TBC1D13: variants seen among roughly 807,000 people sequenced by gnomAD.
TBC1D13 encodes epididymis secretory sperm binding protein.
A neutral mutation model predicts 53.6 loss-of-function variants in TBC1D13; 40 were observed. The observed-to-expected ratio is 0.75, with a 90% CI of 0.58 to 0.97. TBC1D13 has a LOEUF of 0.97. Ranked by LOEUF, TBC1D13 falls within the 50% of genes least tolerant of loss-of-function variation. TBC1D13 has a pLI of 0.00. For missense variants in TBC1D13, 377 were observed against 499.4 expected (o/e 0.75, Z 2.34); for synonymous variants, 182 against 197.7 (o/e 0.92, Z 0.67).
chr9:128,795,713 G>T (rs959764583), intron 6 of TBC1D13, among the ~76,000 whole-genome samples: 2 of 152,022 alleles, frequency 1.3e-5, no homozygotes, highest in Non-Finnish European at 2.9e-5. Flanking sequence ...GCCTGCCTTG[G>T]CCTCCCAAAG....
At position 128,808,364 on chromosome 9, in the gene TBC1D13, G is replaced by T. The variant is rs1254158435; in HGVS notation, c.*485G>T. ...TCTGTCTCACCCACAGATGTCTGTA[G>T]TCGGTCGGTGTGAATGTGGGCCCAA... On this transcript the variant is annotated 3_prime_UTR_variant, in exon 12 of 12. Transcript: ENST00000372648. The T allele has an allele frequency of 4.7e-6, 1 of 214,216 alleles. No individual in the cohort carries two copies. Among genetic ancestry groups the T allele is most frequent in the Non-Finnish European group, 9.6e-6 (1 of 104,288 alleles). The allele number at this position is 214,216 out of a possible 1,614,324, so 13.3% of individuals were successfully genotyped here.
At position 128,804,016 on chromosome 9, in the gene TBC1D13, A is replaced by G; in HGVS notation, c.815A>G (p.Asn272Ser). ...AACCTCATGGCCGAGATCCGGGACA[A>G]CTTTATCAAGAGCCTGGATGACTCG... ...FTNLMAEIRDNFIKSLDDSQC... is the reference protein window; with the variant it reads ...FTNLMAEIRDSFIKSLDDSQC... Residue 272 changes from asparagine (N) to serine (S), a missense_variant, in exon 9 of 12, where the codon AAC (asparagine) becomes AGC (serine). Transcript: ENST00000372648. 6.2e-7 allele frequency: 1 copy of G among 1,614,056 alleles called. No individual in the cohort carries two copies. Among genetic ancestry groups the G allele is most frequent in the South Asian group, 1.1e-5 (1 of 91,068 alleles).
rs1564421444 is a variant in TBC1D13, at chr9:128,787,296, G to T, written c.-58G>T. 8.0e-6 allele frequency: 10 copies of T among 1,253,902 alleles called. No individual in the cohort carries two copies. The highest frequency in any genetic ancestry group is 7.0e-6 in the Non-Finnish European group (7 of 993,414). 77.7% of individuals were successfully genotyped at this position (1,253,902 alleles called of 1,614,324 possible). A position where few individuals can be genotyped will look rare whatever the true frequency, so the allele number is the denominator to read the frequency against. ...CTGGGGGGCGGCGGCGGCGGCGGCA[G>T]CGCAGGCGGCAGAGGCGCAGGCGGC... On this transcript the variant is annotated 5_prime_UTR_variant, in exon 1 of 12. Transcript: ENST00000372648.
Position 128,794,876 on chromosome 9 carries a change from C to T in TBC1D13, c.384-2179C>T, listed in dbSNP as rs145840538. On this transcript the variant is annotated intron_variant, in intron 6 of 11. Coordinates refer to ENST00000372648, the MANE Select transcript of TBC1D13 (RefSeq NM_018201.5). ...TGAAAAATGTGCGTGTACTGCAATA[C>T]ATATATTTTAAAAACTTGATCACAT... Among the ~76,000 whole-genome samples the T allele has an allele frequency of 1.0e-3, 157 of 151,746 alleles. 1 individual carries two copies. The East Asian group carries it at 0.029, about 28-fold the overall frequency.
chr9:128,789,812 T>TATATATATATATGTATGTATGTATAA (rs11269563), intron 2 of TBC1D13: 25 of 132,378 alleles, frequency 1.9e-4, no homozygotes, highest in African/African-American at 6.2e-4. Context: ...TATATATATA[T>TATATATATATATGTATGTATGTATAA]AATAATTCCA....
At chr9:128,801,009 AAAC>A (rs1203259138) in intron 7 of TBC1D13, among the ~76,000 whole-genome samples, 2 of 152,066 alleles carry the variant, frequency 1.3e-5, no homozygotes, top group East Asian at 3.9e-4. Context: ...TAAAAATACA[AAAC>A]AACAACAAAA....
Position 128,803,334 on chromosome 9 carries a change from G to A in TBC1D13, c.628G>A (p.Val210Met). The A allele has an allele frequency of 6.2e-7, 1 of 1,614,230 alleles. No individual in the cohort carries two copies. Among genetic ancestry groups the A allele is most frequent in the South Asian group, 1.1e-5 (1 of 91,088 alleles). ...CAATGGCTGTGAGGCCCACTGGGAG[G>A]TGGTGGAGCGGATCCTGTTCATCTA... ...LPNGCEAHWEVVERILFIYAK... is the reference protein window; with the variant it reads ...LPNGCEAHWEMVERILFIYAK... Residue 210 changes from valine to methionine, a missense_variant, in exon 8 of 12, where the codon GTG becomes ATG. Physicochemically the swap from Val to Met is conservative, Grantham distance 21. Transcript: ENST00000372648.
At chr9:128,801,260 C>G (rs569993407) in intron 7 of TBC1D13, among the ~76,000 whole-genome samples, 9 of 152,268 alleles carry the variant, frequency 5.9e-5, no homozygotes, top group Non-Finnish European at 1.3e-4. Flanking sequence ...ATACCCAACC[C>G]ATGAACAATT....
At chr9:128,790,343 G>T (rs551265338) in intron 2 of TBC1D13, among the ~76,000 whole-genome samples, 1 of 151,998 alleles carries the variant, frequency 6.6e-6, no homozygotes, top group African/African-American at 2.4e-5. Flanking sequence ...GGAGGCCGAA[G>T]TGGGGGGATC....
Position 128,809,596 on chromosome 9 carries a change from G to GC in TBC1D13, c.*1717_*1718insC, listed in dbSNP as rs2132561175. ...TTGGGAGACTTTGACTATTTATTCA[G>GC]ACTCCTGGCTATGTATTGCACATTG... is the stretch of plus-strand genomic sequence containing the variant. On this transcript the variant is annotated 3_prime_UTR_variant, in exon 12 of 12. Coordinates refer to ENST00000372648, the MANE Select transcript of TBC1D13 (RefSeq NM_018201.5). The GC allele has an allele frequency of 6.6e-6, 1 of 152,346 alleles. No individual in the cohort carries two copies. Among genetic ancestry groups the GC allele is most frequent in the South Asian group, 2.1e-4 (1 of 4,830 alleles). 9.4% of individuals were successfully genotyped at this position (152,346 alleles called of 1,614,324 possible). A position where few individuals can be genotyped will look rare whatever the true frequency, so the allele number is the denominator to read the frequency against.
At chr9:128,791,492 G>T (rs759692421) in intron 4 of TBC1D13, 51 bp downstream of exon 4, 3 of 1,609,056 alleles carry the variant, frequency 1.9e-6, no homozygotes, top group Non-Finnish European at 2.6e-6. Context: ...ATGTGACAGA[G>T]CCAGTACCGC....
intron 6 of TBC1D13, among the ~76,000 whole-genome samples, chr9:128,796,440 G>A (rs143921234): frequency 0.038 from 5,758 of 152,040 alleles, 118 homozygotes; most frequent in Middle Eastern, 0.075. Context: ...TAGTAGAAAC[G>A]GAGTTTCTCC....
At position 128,791,616 on chromosome 9, in the gene TBC1D13, A is replaced by C; in HGVS notation, c.223A>C (p.Arg75=). The C allele has an allele frequency of 1.2e-6, 2 of 1,614,172 alleles. No individual in the cohort carries two copies. Among genetic ancestry groups the C allele is most frequent in the Non-Finnish European group, 1.7e-6 (2 of 1,180,030 alleles). Residue 75 remains arginine (R), a synonymous_variant, in exon 5 of 12, where the codon AGG becomes CGG. Coordinates refer to ENST00000372648, the MANE Select transcript of TBC1D13 (RefSeq NM_018201.5). ...CAGGGAGCTGTATGCCCAGTTCCTG[A>C]GGGAAATGATCATCCAGCCTGGCAT... The part of the protein sequence containing the change: ...KQRELYAQFL[R]EMIIQPGIAK...
At chr9:128,789,812 T>TATATATATGTATGTATGTATGTATAA (rs11269563) in intron 2 of TBC1D13, 1 of 132,394 alleles carries the variant, frequency 7.6e-6, no homozygotes, top group African/African-American at 3.0e-5. Flanking sequence ...TATATATATA[T>TATATATATGTATGTATGTATGTATAA]AATAATTCCA....
rs775733610 is a variant in TBC1D13 at position 128,807,905 on chromosome 9, G to T, written c.*26G>T. Reference sequence around the variant, plus strand: ...CCCGGCGGCAAGAGGCCCATGTTCCGGAGAGAAGCCTCCCGACCCTGTGCC... The same window carrying T: ...CCCGGCGGCAAGAGGCCCATGTTCCTGAGAGAAGCCTCCCGACCCTGTGCC... On this transcript the variant is annotated 3_prime_UTR_variant, in exon 12 of 12. Transcript: ENST00000372648. 58 of 1,610,946 alleles carry T rather than the reference G, an allele frequency of 3.6e-5. 1 individual carries two copies. The highest frequency in any genetic ancestry group is 5.5e-5 in the South Asian group (5 of 91,022).
chr9:128,803,885 G>C (rs1398334359), intron 8 of TBC1D13, 71 bp from the exon 9 acceptor site: 15 of 1,585,210 alleles, frequency 9.5e-6, no homozygotes, highest in Admixed American at 1.7e-5. Context: ...GAGCAGGGCA[G>C]ATGTCTGGTA....
intron 11 of TBC1D13, among the ~76,000 whole-genome samples, chr9:128,806,721 C>G (rs1829841343): frequency 6.6e-6 from 1 of 152,014 alleles, no homozygotes; most frequent in Non-Finnish European, 1.5e-5. Flanking sequence ...GGTGGGTGGA[C>G]CACCTGAGGT....
At chr9:128,798,962 C>T (rs1417087946) in intron 7 of TBC1D13, among the ~76,000 whole-genome samples, 1 of 152,180 alleles carries the variant, frequency 6.6e-6, no homozygotes, top group Non-Finnish European at 1.5e-5. Flanking sequence ...GATCCTCCTA[C>T]CTGGGCCTCC....
chr9:128,792,345 T>G (rs1364317756), intron 5 of TBC1D13, 147 bp from the exon 6 acceptor site: 1 of 665,002 alleles, frequency 1.5e-6, no homozygotes, highest in Non-Finnish European at 2.6e-6. Flanking sequence ...TGTTGGCTCC[T>G]CTGAGTATCT....
Sources: allele counts gnomAD v4.1 joint callset (sites outside exome capture counted in the v4.1 genomes callset), GRCh38; gene constraint gnomAD v4.1.1; transcripts MANE v1.5; gene names NCBI Gene and HGNC (gene_info 2026-07-23, HGNC 2026-07-21).